The following DLGAP2 variants were observed in gnomAD, a reference collection of about 807,000 sequenced individuals.
The protein encoded by DLGAP2 is DLG associated protein 2, also known as disks large-associated protein 2.
In DLGAP2, 26 loss-of-function variants were observed where a neutral mutation model predicts 100.3. That is an observed-to-expected ratio of 0.26 (90% confidence interval 0.19 to 0.36). DLGAP2 has a LOEUF of 0.36. DLGAP2 is among the 10% of genes least tolerant of loss of function. DLGAP2 has a pLI of 1.00. For synonymous variants in DLGAP2, 886 were observed against 630.1 expected, an observed-to-expected ratio of 1.41 and a Z score of -6.08; for missense variants, 1,858 against 1,453.2, an observed-to-expected ratio of 1.28 and a Z score of -4.53.
At chr8:1,171,706 C>A (rs1797132034) in intron 2 of DLGAP2, among the ~76,000 whole-genome samples, 1 of 151,810 alleles carries the variant, frequency 6.6e-6, no homozygotes, top group Non-Finnish European at 1.5e-5. Flanking sequence ...GGATTGCAAC[C>A]CCTGCCTTTT....
intron 1 of DLGAP2, among the ~76,000 whole-genome samples, chr8:882,865 C>T (rs1584858998): frequency 6.6e-6 from 1 of 152,286 alleles, no homozygotes; most frequent in Non-Finnish European, 1.5e-5. Flanking sequence ...GGTGTCGTCA[C>T]TTCTCGGCTG....
intron 1 of DLGAP2, among the ~76,000 whole-genome samples, chr8:738,329 C>G (rs931777110): frequency 4.1e-5 from 6 of 146,118 alleles, no homozygotes; most frequent in Non-Finnish European, 9.1e-5. Flanking sequence ...GGGCTGCGCG[C>G]ACGGGGGCTC....
rs1300530466 is a variant in DLGAP2 at position 1,121,266 on chromosome 8, C to G, written c.74-137585C>G. ...ACACCCATCCTCGTCCCTTCAGAAC[C>G]CATGACCTCCCATCCTCGTCCAGTT... On this transcript the variant is annotated intron_variant, in intron 2 of 14. Coordinates refer to ENST00000637795, the MANE Select transcript of DLGAP2 (RefSeq NM_001346810.2). 2.0e-5 allele frequency among the ~76,000 whole-genome samples: 3 copies of G among 151,376 alleles called. No individual in the cohort carries two copies. The East Asian group carries it at 5.9e-4, about 30-fold the overall frequency.
chr8:881,763 C>T (rs927586376), intron 1 of DLGAP2, among the ~76,000 whole-genome samples: 37 of 151,076 alleles, frequency 2.4e-4, no homozygotes, highest in Non-Finnish European at 4.6e-4. Context: ...GTGATCCACC[C>T]GCCTCAGCCT....
intron 2 of DLGAP2, among the ~76,000 whole-genome samples, chr8:1,115,029 C>G (rs989368848): frequency 6.6e-6 from 1 of 152,152 alleles, no homozygotes; most frequent in Non-Finnish European, 1.5e-5. Flanking sequence ...GTCTTAACTT[C>G]TACTTTTATT....
chr8:1,134,605 T>A (rs906649299), intron 2 of DLGAP2, among the ~76,000 whole-genome samples: 1 of 152,250 alleles, frequency 6.6e-6, no homozygotes, highest in Non-Finnish European at 1.5e-5. Context: ...GATTTCAAAT[T>A]GAATAAACTT....
At chr8:765,419 C>T (rs1482971142) in intron 1 of DLGAP2, among the ~76,000 whole-genome samples, 1 of 152,060 alleles carries the variant, frequency 6.6e-6, no homozygotes, top group African/African-American at 2.4e-5. Flanking sequence ...AGGAGTCTAA[C>T]AGTGTTAGTG....
At chr8:816,610 C>T (rs1742543208) in intron 1 of DLGAP2, among the ~76,000 whole-genome samples, 1 of 152,020 alleles carries the variant, frequency 6.6e-6, no homozygotes, top group South Asian at 2.1e-4. Flanking sequence ...ATAGGTTTTC[C>T]TTTATAGGTT....
At position 1,348,934 on chromosome 8, in the gene DLGAP2, T is replaced by C. The variant is rs76862358; in HGVS notation, c.106+90051T>C. The stretch of plus-strand genomic sequence containing the variant: ...GATTTTGGATGTGACCTGGATTATA[T>C]TGAAGAATGGTCACCATGGTCTGTC... On this transcript the variant is annotated intron_variant, in intron 3 of 14. Coordinates refer to ENST00000637795, the MANE Select transcript of DLGAP2 (RefSeq NM_001346810.2). Among the ~76,000 whole-genome samples the C allele has an allele frequency of 5.1e-3, 782 of 152,248 alleles. 5 individuals carry two copies. Among genetic ancestry groups the C allele is most frequent in the Middle Eastern group, 0.017 (5 of 294 alleles).
intron 4 of DLGAP2, among the ~76,000 whole-genome samples, chr8:1,542,577 T>A (rs1275706280): frequency 6.6e-6 from 1 of 152,226 alleles, no homozygotes; most frequent in Non-Finnish European, 1.5e-5. Context: ...TGGGCTTAAT[T>A]GGTTTTAATT....
chr8:786,327 G>T (rs568860124), intron 1 of DLGAP2, among the ~76,000 whole-genome samples: 143 of 152,262 alleles, frequency 9.4e-4, no homozygotes, highest in African/African-American at 3.3e-3. Flanking sequence ...CATGGTCCGG[G>T]CTCCCACTTC....
intron 2 of DLGAP2, among the ~76,000 whole-genome samples, chr8:1,022,808 T>TC (rs1033637643): frequency 2.0e-5 from 3 of 149,334 alleles, no homozygotes; most frequent in Admixed American, 6.6e-5. Context: ...CCGCCACCCA[T>TC]CCCCCCCGGG....
intron 2 of DLGAP2, among the ~76,000 whole-genome samples, chr8:1,038,948 C>T (rs1802213847): frequency 6.6e-6 from 1 of 152,154 alleles, no homozygotes; most frequent in Admixed American, 6.5e-5. Context: ...TTTCGTGTCT[C>T]TCCAAGTTGT....
intron 1 of DLGAP2, among the ~76,000 whole-genome samples, chr8:769,943 C>T (rs565842536): frequency 6.8e-6 from 1 of 147,602 alleles, no homozygotes; most frequent in South Asian, 2.2e-4. Flanking sequence ...CATGCCGACC[C>T]CAGAGTCACT....
intron 3 of DLGAP2, among the ~76,000 whole-genome samples, chr8:1,487,719 C>G (rs987249259): frequency 5.9e-5 from 9 of 152,202 alleles, no homozygotes; most frequent in African/African-American, 2.2e-4. Context: ...CAGGCCAGGT[C>G]CCACCTGTGC....
At chr8:1,137,697 T>C (rs1447427266) in intron 2 of DLGAP2, 1 of 152,234 alleles carries the variant, frequency 6.6e-6, no homozygotes, top group Non-Finnish European at 1.5e-5. Flanking sequence ...ACAGCCTTGC[T>C]CTTTCTACTA....
At chr8:1,315,061 C>CT (rs1207175786) in intron 3 of DLGAP2, among the ~76,000 whole-genome samples, 3 of 152,184 alleles carry the variant, frequency 2.0e-5, no homozygotes, top group African/African-American at 7.2e-5. Flanking sequence ...CTAAGTGACG[C>CT]TTTTTTACAA....
At chr8:1,166,176 C>T (rs1374956119) in intron 2 of DLGAP2, among the ~76,000 whole-genome samples, 1 of 152,170 alleles carries the variant, frequency 6.6e-6, no homozygotes, top group East Asian at 1.9e-4. Flanking sequence ...GTTTGTCTTA[C>T]AGCGTCTGAA....
intron 3 of DLGAP2, among the ~76,000 whole-genome samples, chr8:1,373,518 C>T (rs568343167): frequency 6.6e-5 from 10 of 152,338 alleles, no homozygotes; most frequent in Non-Finnish European, 1.3e-4. Context: ...ACAAAGAGGG[C>T]AGTGGGCAAT....
Sources: allele counts gnomAD v4.1 joint callset (sites outside exome capture counted in the v4.1 genomes callset), GRCh38; gene constraint gnomAD v4.1.1; transcripts MANE v1.5; gene names NCBI Gene and HGNC (gene_info 2026-07-23, HGNC 2026-07-21).